GARS1: variants seen among roughly 807,000 people sequenced by gnomAD.
The protein encoded by GARS1 is glycine--tRNA ligase.
In GARS1, 46 loss-of-function variants were observed where a neutral mutation model predicts 86.4. The observed-to-expected ratio is 0.53, with a 90% CI of 0.42 to 0.68. GARS1 has a LOEUF of 0.68. Among genes scored for constraint, GARS1 ranks in the 30% least tolerant of loss-of-function variants. The pLI is 0.00. For missense variants in GARS1, 797 were observed against 915.6 expected, an observed-to-expected ratio of 0.87 and a Z score of 1.67; for synonymous variants, 342 against 329.8, an observed-to-expected ratio of 1.04 and a Z score of -0.40.
chr7:30,622,928 G>A (rs138893907), intron 12 of GARS1, among the ~76,000 whole-genome samples: 3,669 of 151,850 alleles, frequency 0.024, 65 homozygotes, highest in Non-Finnish European at 0.038. Flanking sequence ...GTGAAACCCC[G>A]TCTCTACTAA....
At chr7:30,597,142 G>A (rs1434835693) in intron 1 of GARS1, among the ~76,000 whole-genome samples, 2 of 152,206 alleles carry the variant, frequency 1.3e-5, no homozygotes, top group Non-Finnish European at 2.9e-5. Flanking sequence ...AAAGATATCT[G>A]TGATGAGATG....
chr7:30,624,772 C>T lies in GARS1; in HGVS notation c.1614-1462C>T, dbSNP rs112464750. On this transcript the variant is annotated intron_variant, in intron 12 of 16. Coordinates refer to ENST00000389266, the MANE Select transcript of GARS1 (RefSeq NM_002047.4). Reference sequence around the variant, plus strand: ...TCTTGCAAGTTGAAGATACCTGTTTCAGAAAAATTTAAAAACATTTCTCGT... The same window carrying T: ...TCTTGCAAGTTGAAGATACCTGTTTTAGAAAAATTTAAAAACATTTCTCGT... Among the ~76,000 whole-genome samples, 1,057 of 152,278 alleles carry T rather than the reference C, an allele frequency of 6.9e-3. 8 individuals carry two copies. Among genetic ancestry groups the T allele is most frequent in the Middle Eastern group, 0.014 (4 of 294 alleles).
Position 30,631,679 on chromosome 7 carries a change from G to T in GARS1, c.1903+138G>T, listed in dbSNP as rs1250155034. The T allele has an allele frequency of 7.3e-6, 5 of 681,320 alleles. No homozygotes were observed. In the South Asian group the frequency reaches 7.9e-5, roughly 11 times the overall value. The allele number at this position is 681,320 out of a possible 1,614,324, so 42.2% of individuals were successfully genotyped here. On this transcript the variant is annotated intron_variant, in intron 15 of 16. Transcript: ENST00000389266. ...ATTTTATAAAGAGTACATGATTTTAGCCTGTACTCTTATTTCTAAGCGAGA... is the reference window on the plus strand; with the variant it reads ...ATTTTATAAAGAGTACATGATTTTATCCTGTACTCTTATTTCTAAGCGAGA...
intron 6 of GARS1, among the ~76,000 whole-genome samples, chr7:30,608,631 T>C (rs1791531492): frequency 6.6e-6 from 1 of 152,204 alleles, no homozygotes; most frequent in Non-Finnish European, 1.5e-5. Context: ...GAAATACCAT[T>C]GGATTTATGA....
At chr7:30,606,685 G>A (rs1489329241) in intron 6 of GARS1, among the ~76,000 whole-genome samples, 2 of 152,084 alleles carry the variant, frequency 1.3e-5, no homozygotes, top group Admixed American at 6.5e-5. Context: ...ACAAGATATT[G>A]CCATCTCATC....
rs1020864039 is a variant in GARS1, at chr7:30,598,690, G to T, written c.223-106G>T. ...TGAGCCACCACGCTTGGCCTGAATT[G>T]CATCATTCTTACATAGACTTTTTAA... On this transcript the variant is annotated intron_variant, in intron 1 of 16. Transcript: ENST00000389266. 3.1e-5 allele frequency: 28 copies of T among 915,192 alleles called. No homozygotes were observed. The South Asian group carries it at 3.9e-4, about 13-fold the overall frequency. 56.7% of individuals were successfully genotyped at this position (915,192 alleles called of 1,614,324 possible). A position where few individuals can be genotyped will look rare whatever the true frequency, so the allele number is the denominator to read the frequency against.
At chr7:30,623,905 A>G (rs1024515793) in intron 12 of GARS1, among the ~76,000 whole-genome samples, 1 of 152,230 alleles carries the variant, frequency 6.6e-6, no homozygotes, top group Non-Finnish European at 1.5e-5. Context: ...GCGGATCACA[A>G]TATAATGGAA....
chr7:30,632,646 A>G lies in GARS1; in HGVS notation c.2094+209A>G, dbSNP rs191234309. 2.4e-3 allele frequency among the ~76,000 whole-genome samples: 365 copies of G among 152,252 alleles called. 2 individuals carry two copies. The highest frequency in any genetic ancestry group is 3.9e-3 in the Non-Finnish European group (265 of 68,026). On this transcript the variant is annotated intron_variant, in intron 16 of 16. Transcript: ENST00000389266. The surrounding 1 kb of genome is among the most constrained non-coding windows in gnomAD (Gnocchi z 4.1). ...TTAGCACTTCTCTAATATTTTATAAACATTTGTGTTGCTCCAGGCTTATTC... is the reference window on the plus strand; with the variant it reads ...TTAGCACTTCTCTAATATTTTATAAGCATTTGTGTTGCTCCAGGCTTATTC...
rs1791296832 is a variant in GARS1, at chr7:30,598,198, T to G, written c.223-598T>G. On this transcript the variant is annotated intron_variant, in intron 1 of 16. Coordinates refer to ENST00000389266, the MANE Select transcript of GARS1 (RefSeq NM_002047.4). ...AGTACAAATCTTGCTCTTTCCTACT[T>G]TTTAATCAATGCTTTTGTCTCCTCC... Among the ~76,000 whole-genome samples the G allele has an allele frequency of 2.6e-5, 4 of 152,108 alleles. No homozygotes were observed. The South Asian group carries it at 8.3e-4, about 32-fold the overall frequency.
At chr7:30,606,563 A>C (rs989427921) in intron 6 of GARS1, among the ~76,000 whole-genome samples, 3 of 152,080 alleles carry the variant, frequency 2.0e-5, no homozygotes, top group African/African-American at 7.2e-5. Context: ...ATATTCAGTC[A>C]GTTGCAGTTA....
chr7:30,630,057 A>C (rs2128136019), intron 14 of GARS1, among the ~76,000 whole-genome samples: 1 of 152,380 alleles, frequency 6.6e-6, no homozygotes, highest in East Asian at 1.9e-4. Context: ...GAGAAATTTG[A>C]TTAGGCTGTG....
In GARS1 at chr7:30,622,402, A is replaced by G. The variant is rs753947676; in HGVS notation, c.1553A>G (p.Tyr518Cys). 1.8e-5 allele frequency: 29 copies of G among 1,612,686 alleles called. No individual in the cohort carries two copies. In the Admixed American group the frequency reaches 4.3e-4, roughly 24 times the overall value. Residue 518 changes from tyrosine to cysteine, a missense_variant, in exon 12 of 17, where the codon TAT becomes TGT. Physicochemically the swap from Tyr to Cys is radical, Grantham distance 194. Coordinates refer to ENST00000389266, the MANE Select transcript of GARS1 (RefSeq NM_002047.4). Reference protein sequence around the residue: ...YKKDAKLVMEYLAICDECYIT... With the variant: ...YKKDAKLVMECLAICDECYIT... ...AAGGATGCAAAACTGGTGATGGAGT[A>G]TCTTGCCATTTGTGATGAGTGCTAC...
intron 16 of GARS1, among the ~76,000 whole-genome samples, chr7:30,633,456 C>T (rs1031621610): frequency 2.6e-5 from 4 of 152,194 alleles, no homozygotes; most frequent in Non-Finnish European, 4.4e-5. Flanking sequence ...TTCCCTCACA[C>T]GAGTTACTTG....
chr7:30,627,231 C>T, intron 13 of GARS1: 1 of 347,310 alleles, frequency 2.9e-6, no homozygotes, highest in Admixed American at 3.9e-5. Context: ...TGTCTTGTAG[C>T]CAGGCTTCAG....
chr7:30,631,156 G>A (rs1427014222), intron 14 of GARS1: 8 of 319,610 alleles, frequency 2.5e-5, no homozygotes, highest in Admixed American at 4.3e-5. Flanking sequence ...TTTTAGTAAC[G>A]GGCTTGTGAA....
intron 1 of GARS1, 143 bp from the exon 2 acceptor site, chr7:30,598,653 G>C: frequency 1.4e-6 from 1 of 696,888 alleles, no homozygotes; most frequent in South Asian, 1.5e-5. Flanking sequence ...CAAAGTGCTG[G>C]TATTACAGGC....
intron 14 of GARS1, among the ~76,000 whole-genome samples, chr7:30,630,166 A>T (rs1345395964): frequency 6.6e-6 from 1 of 152,154 alleles, no homozygotes; most frequent in African/African-American, 2.4e-5. Context: ...TTTAAAAATT[A>T]TTTTTCTATA....
chr7:30,620,329 A>T (rs1434195485), intron 10 of GARS1, among the ~76,000 whole-genome samples: 1 of 152,134 alleles, frequency 6.6e-6, no homozygotes, highest in Non-Finnish European at 1.5e-5. Context: ...TGGAATTGAG[A>T]GATCAGGGTG....
rs934706912 is a variant in GARS1 at position 30,614,226 on chromosome 7, T to C, written c.1032-1670T>C. ...TAACATAATTATCACCTCACATAGTTACTTTTTTTTTTTTTAGTGGTGAGA... is the reference window on the plus strand; with the variant it reads ...TAACATAATTATCACCTCACATAGTCACTTTTTTTTTTTTTAGTGGTGAGA... On this transcript the variant is annotated intron_variant, in intron 8 of 16. Transcript: ENST00000389266. 5.3e-5 allele frequency: 8 copies of C among 152,044 alleles called. No homozygotes were observed. In the South Asian group the frequency reaches 1.0e-3, roughly 20 times the overall value. The allele number at this position is 152,044 out of a possible 1,614,324, so 9.4% of individuals were successfully genotyped here.
Sources: gnomAD v4.1 joint callset for allele counts (sites outside exome capture counted in the v4.1 genomes callset) on GRCh38, gnomAD v4.1.1 for gene constraint, Gnocchi (gnomAD v3.1) non-coding constraint, MANE v1.5 for transcripts, NCBI Gene and HGNC (gene_info 2026-07-23, HGNC 2026-07-21) for gene names.